Variants in DPYD observed in about 807,000 individuals in gnomAD.
DPYD encodes the protein dihydropyrimidine dehydrogenase.
In DPYD, 109 loss-of-function variants were observed where a neutral mutation model predicts 116.2. The observed-to-expected ratio is 0.94, with a 90% CI of 0.80 to 1.10. DPYD has a LOEUF of 1.10. DPYD is among the 50% of genes least tolerant of loss of function. DPYD has a pLI of 0.00. For synonymous variants in DPYD, 440 were observed against 432.0 expected (o/e 1.02, Z -0.23); for missense variants, 1,302 against 1,254.5 (o/e 1.04, Z -0.57).
At chr1:97,766,120 A>G (rs1303810742) in intron 3 of DPYD, among the ~76,000 whole-genome samples, 1 of 152,140 alleles carries the variant, frequency 6.6e-6, no homozygotes, top group Non-Finnish European at 1.5e-5. Context: ...ACATGCCTGT[A>G]ATCCCAGCTA....
chr1:97,275,817 T>C (rs375961334), intron 18 of DPYD, among the ~76,000 whole-genome samples: 21 of 152,278 alleles, frequency 1.4e-4, no homozygotes, highest in Non-Finnish European at 2.6e-4. Flanking sequence ...TCCTGTTAGC[T>C]TCCTCTCTCC....
At chr1:97,561,490 C>T (rs1388855311) in intron 11 of DPYD, among the ~76,000 whole-genome samples, 6 of 152,072 alleles carry the variant, frequency 3.9e-5, no homozygotes, top group Admixed American at 1.3e-4. Flanking sequence ...ATAAAGTACC[C>T]TGCAGTGGTA....
intron 3 of DPYD, among the ~76,000 whole-genome samples, chr1:97,808,218 A>T (rs1668173100): frequency 3.3e-5 from 5 of 152,178 alleles, no homozygotes. Context: ...CAACATCTTG[A>T]GAATTGTGAG....
intron 3 of DPYD, among the ~76,000 whole-genome samples, chr1:97,765,968 G>A (rs1465411365): frequency 6.6e-6 from 1 of 152,204 alleles, no homozygotes; most frequent in Non-Finnish European, 1.5e-5. Flanking sequence ...TTGTGGCCAG[G>A]TGCGGTGGCT....
At chr1:97,414,814 C>T (rs1191947812) in intron 14 of DPYD, among the ~76,000 whole-genome samples, 1 of 152,194 alleles carries the variant, frequency 6.6e-6, no homozygotes, top group East Asian at 1.9e-4. Flanking sequence ...AATAATATTG[C>T]CTGGCATTGT....
chr1:97,855,546 A>G (rs1010238628), intron 2 of DPYD: 3 of 152,130 alleles, frequency 2.0e-5, no homozygotes, highest in African/African-American at 4.8e-5. Context: ...GAAAGCCCCA[A>G]CTCTTTACTT....
At chr1:97,568,747 G>GT (rs1652698674) in intron 11 of DPYD, among the ~76,000 whole-genome samples, 1 of 152,026 alleles carries the variant, frequency 6.6e-6, no homozygotes, top group Non-Finnish European at 1.5e-5. Context: ...GGAGAAAATA[G>GT]TAACTCATAA....
At chr1:97,392,986 C>T (rs968357568) in intron 14 of DPYD, among the ~76,000 whole-genome samples, 2 of 151,988 alleles carry the variant, frequency 1.3e-5, no homozygotes, top group Admixed American at 1.3e-4. Context: ...CTATCCAGAC[C>T]ACTAAAATGT....
intron 18 of DPYD, among the ~76,000 whole-genome samples, chr1:97,263,380 T>C (rs1664018663): frequency 6.6e-6 from 1 of 152,026 alleles, no homozygotes; most frequent in African/African-American, 2.4e-5. Flanking sequence ...ATGATTACAA[T>C]ATAGAAAAAG....
At chr1:97,749,775 TCAC>T (rs2101094147) in intron 3 of DPYD, among the ~76,000 whole-genome samples, 1 of 152,260 alleles carries the variant, frequency 6.6e-6, no homozygotes, top group Admixed American at 6.5e-5. Context: ...TGTTCCCTGC[TCAC>T]CACAACTATG....
At chr1:97,419,518 T>C (rs1028174368) in intron 14 of DPYD, among the ~76,000 whole-genome samples, 11 of 152,196 alleles carry the variant, frequency 7.2e-5, no homozygotes, top group Non-Finnish European at 1.6e-4. Context: ...CTTTGAAAAT[T>C]AAAAACAATT....
chr1:97,688,052 A>G (rs2100940406), intron 7 of DPYD, among the ~76,000 whole-genome samples: 1 of 152,288 alleles, frequency 6.6e-6, no homozygotes, highest in Non-Finnish European at 1.5e-5. Context: ...ATGTGTTGAT[A>G]GGTGCAGCAA....
At chr1:97,638,694 T>TA (rs1657707435) in intron 8 of DPYD, among the ~76,000 whole-genome samples, 1 of 152,086 alleles carries the variant, frequency 6.6e-6, no homozygotes, top group African/African-American at 2.4e-5. Context: ...TCAGTAGACT[T>TA]ACAATCGTGG....
chr1:97,883,508 A>G, intron 1 of DPYD, 134 bp from the exon 2 acceptor site: 1 of 697,850 alleles, frequency 1.4e-6, no homozygotes, highest in Non-Finnish European at 2.4e-6. Flanking sequence ...GTGCAGTGGT[A>G]CAATCTCAGT....
intron 12 of DPYD, among the ~76,000 whole-genome samples, chr1:97,518,879 TTAATATTA>T (rs1453266602): frequency 6.6e-6 from 1 of 152,006 alleles, no homozygotes; most frequent in Non-Finnish European, 1.5e-5. Flanking sequence ...AAACTGTGAG[TTAATATTA>T]TAATATTATA....
intron 13 of DPYD, among the ~76,000 whole-genome samples, chr1:97,462,942 A>G (rs1309200173): frequency 5.3e-5 from 8 of 152,174 alleles, no homozygotes; most frequent in Non-Finnish European, 2.9e-5. Flanking sequence ...CTTGGTCTCC[A>G]TAATCCCTTA....
chr1:97,892,503 G>C (rs1253515775), intron 1 of DPYD, among the ~76,000 whole-genome samples: 1 of 151,770 alleles, frequency 6.6e-6, no homozygotes, highest in African/African-American at 2.4e-5. Context: ...GGGAACAGAA[G>C]AGGAGAGAAT....
chr1:97,102,512 CGT>C (rs36153065), intron 20 of DPYD, among the ~76,000 whole-genome samples: 143,840 of 144,682 alleles, frequency 0.99, 71,500 homozygotes, highest in South Asian at 1. Flanking sequence ...ATACCTATTT[CGT>C]GTGTGTGTGT....
chr1:97,177,238 A>G (rs1445297567), intron 20 of DPYD, among the ~76,000 whole-genome samples: 1 of 152,170 alleles, frequency 6.6e-6, no homozygotes, highest in Non-Finnish European at 1.5e-5. Context: ...TGTTTCCTTG[A>G]AAGAAATAAT....
Sources: allele counts gnomAD v4.1 joint callset (sites outside exome capture counted in the v4.1 genomes callset), GRCh38; gene constraint gnomAD v4.1.1; transcripts MANE v1.5; gene names NCBI Gene and HGNC (gene_info 2026-07-23, HGNC 2026-07-21).